Variants in EPS15L1 observed in about 807,000 individuals in gnomAD.
The protein encoded by EPS15L1 is epidermal growth factor receptor substrate 15-like 1.
Under a neutral mutation model 117.1 loss-of-function variants are expected in EPS15L1, and 43 were observed. The ratio of observed to expected loss-of-function variants is 0.37; its 90% CI spans 0.29 to 0.47. EPS15L1 has a LOEUF of 0.47. EPS15L1 is among the 20% of genes least tolerant of loss of function. The pLI, the probability that EPS15L1 is intolerant of heterozygous loss-of-function variation, is 0.99. For missense variants in EPS15L1, 981 were observed against 1,164.0 expected (o/e 0.84, Z 2.29); for synonymous variants, 459 against 470.5 (o/e 0.98, Z 0.32).
chr19:16,380,206 T>C (rs926191520), intron 21 of EPS15L1, among the ~76,000 whole-genome samples: 2 of 151,062 alleles, frequency 1.3e-5, no homozygotes, highest in African/African-American at 4.9e-5. Flanking sequence ...GGCTCCAGCA[T>C]CTAGTCACAC....
intron 16 of EPS15L1, chr19:16,401,210 G>A (rs1366339674): frequency 1.0e-6 from 1 of 985,452 alleles, no homozygotes; most frequent in Non-Finnish European, 1.2e-6. Flanking sequence ...CACCCAGCGG[G>A]GGCCAGACAC....
intron 1 of EPS15L1, among the ~76,000 whole-genome samples, chr19:16,442,615 G>A (rs992927516): frequency 7.9e-5 from 12 of 152,120 alleles, no homozygotes; most frequent in African/African-American, 2.7e-4. Context: ...AAGTTTCCAC[G>A]CATTATCATA....
In EPS15L1 at chr19:16,434,581, C is replaced by T. The variant is rs759756571; in HGVS notation, c.373-91G>A. 264 of 1,367,752 alleles carry T rather than the reference C, an allele frequency of 1.9e-4. 1 individual carries two copies. The highest frequency in any genetic ancestry group is 2.4e-4 in the Non-Finnish European group (239 of 993,010). 84.7% of individuals were successfully genotyped at this position (1,367,752 alleles called of 1,614,324 possible). A position where few individuals can be genotyped will look rare whatever the true frequency, so the allele number is the denominator to read the frequency against. ...CTGACCGAAAGCCAAGTGAAAATGGCCACGGACCCATCATCACCCTTGGCT... is the reference window on the plus strand; with the variant it reads ...CTGACCGAAAGCCAAGTGAAAATGGTCACGGACCCATCATCACCCTTGGCT... On this transcript the variant is annotated intron_variant, in intron 6 of 23. Coordinates refer to ENST00000455140, the MANE Select transcript of EPS15L1 (RefSeq NM_001258374.3).
At chr19:16,467,511 T>G (rs2093315529) in intron 1 of EPS15L1, among the ~76,000 whole-genome samples, 1 of 151,298 alleles carries the variant, frequency 6.6e-6, no homozygotes. Flanking sequence ...AGAATCTATT[T>G]AGTCGAAAAA....
At position 16,442,261 on chromosome 19, in the gene EPS15L1, C is replaced by A. The variant is rs1371448018; in HGVS notation, c.34-42G>T. 7 of 1,578,356 alleles carry A rather than the reference C, an allele frequency of 4.4e-6. No homozygotes were observed. The East Asian group carries it at 1.6e-4, about 35-fold the overall frequency. ...AGATATTGGTCAAAAGTGAACACAA[C>A]CCCTTGGGGAAAAAAAGGGTTGCCC... On this transcript the variant is annotated intron_variant, in intron 1 of 23. Transcript: ENST00000455140.
chr19:16,361,935 G>A lies in EPS15L1; in HGVS notation c.2430C>T (p.Ala810=), dbSNP rs763065357. Residue 810 remains alanine (A), a synonymous_variant, in exon 23 of 24, where the codon GCC becomes GCT. Coordinates refer to ENST00000455140, the MANE Select transcript of EPS15L1 (RefSeq NM_001258374.3). ...SQLGSADFPE[A]PDPFQPLGAD... ...CCCCGAGTGGCTGGAATGGATCGGG[G>A]GCCTCGGGAAAGTCTGCGGAACCAA... 1.9e-6 allele frequency: 3 copies of A among 1,613,988 alleles called. No individual in the cohort carries two copies. Among genetic ancestry groups the A allele is most frequent in the Admixed American group, 3.3e-5 (2 of 59,996 alleles).
intron 1 of EPS15L1, among the ~76,000 whole-genome samples, chr19:16,447,219 C>T (rs185710283): frequency 1.1e-3 from 168 of 152,252 alleles, no homozygotes; most frequent in Non-Finnish European, 2.0e-3. Flanking sequence ...ATCAGGGAAA[C>T]GCTGGGGTAT....
At chr19:16,435,739 A>AC (rs1273056674) in intron 6 of EPS15L1, among the ~76,000 whole-genome samples, 8 of 152,104 alleles carry the variant, frequency 5.3e-5, no homozygotes, top group African/African-American at 1.7e-4. Context: ...ACGGAAACAA[A>AC]CACTTGGCAC....
In EPS15L1 at chr19:16,446,117, T is replaced by C. The variant is rs142228739; in HGVS notation, c.34-3898A>G. ...AGAGGGGCACAAGGAGAAGGACAAG[T>C]TCACATCCTTCTGCTCTGAAGGCTT... is the stretch of plus-strand genomic sequence containing the variant. On this transcript the variant is annotated intron_variant, in intron 1 of 23. Transcript: ENST00000455140. Among the ~76,000 whole-genome samples, 653 of 152,234 alleles carry C rather than the reference T, an allele frequency of 4.3e-3. 7 individuals are homozygous for C. The highest frequency in any genetic ancestry group is 0.015 in the African/African-American group (629 of 41,520).
intron 22 of EPS15L1, among the ~76,000 whole-genome samples, chr19:16,376,162 G>A (rs1362940658): frequency 6.6e-6 from 1 of 152,224 alleles, no homozygotes. Context: ...GATCCTGGGA[G>A]TGCGTGGGTC....
chr19:16,408,907 G>A (rs919129846), intron 13 of EPS15L1, among the ~76,000 whole-genome samples: 7 of 152,240 alleles, frequency 4.6e-5, no homozygotes, highest in Admixed American at 3.9e-4. Flanking sequence ...CCATTCAACG[G>A]GGGAAAGAAG....
chr19:16,467,799 C>T (rs531650653), intron 1 of EPS15L1, among the ~76,000 whole-genome samples: 6 of 152,280 alleles, frequency 3.9e-5, no homozygotes, highest in South Asian at 2.1e-4. Flanking sequence ...GCCCAGCAGG[C>T]CATCTGGAAC....
rs1266757972 is a variant in EPS15L1, at chr19:16,383,120, G to T, written c.2247+2009C>A. On this transcript the variant is annotated intron_variant, in intron 21 of 23. Transcript: ENST00000455140. This position sits in a 1 kb window ranked among gnomAD's most constrained non-coding sequence, Gnocchi z 5.2. ...ATGCGGCTGTACAAGTGTCATGAAGGCAGCTGATGGAACGCTGGAATCAAA... is the reference window on the plus strand; with the variant it reads ...ATGCGGCTGTACAAGTGTCATGAAGTCAGCTGATGGAACGCTGGAATCAAA... 2.0e-5 allele frequency: 3 copies of T among 152,170 alleles called. No individual in the cohort carries two copies. Among genetic ancestry groups the T allele is most frequent in the Admixed American group, 1.3e-4 (2 of 15,284 alleles). 9.4% of individuals were successfully genotyped at this position (152,170 alleles called of 1,614,324 possible). A position where few individuals can be genotyped will look rare whatever the true frequency, so the allele number is the denominator to read the frequency against.
chr19:16,391,327 C>T (rs2092471890), intron 19 of EPS15L1, among the ~76,000 whole-genome samples: 1 of 152,072 alleles, frequency 6.6e-6, no homozygotes, highest in African/African-American at 2.4e-5. Context: ...AAACAGATCA[C>T]CAATACCAGG....
intron 1 of EPS15L1, among the ~76,000 whole-genome samples, chr19:16,447,119 C>T (rs911703822): frequency 2.6e-5 from 4 of 152,196 alleles, no homozygotes; most frequent in East Asian, 1.9e-4. Context: ...CCCAGCAGGC[C>T]GGCCCACATT....
intron 7 of EPS15L1, among the ~76,000 whole-genome samples, 196 bp from the exon 8 acceptor site, chr19:16,428,957 G>A (rs1398565862): frequency 6.6e-6 from 1 of 151,980 alleles, no homozygotes; most frequent in Non-Finnish European, 1.5e-5. Context: ...CCAGATCTGT[G>A]GTCTGACAAT....
At chr19:16,448,332 AC>A (rs1385046667) in intron 1 of EPS15L1, among the ~76,000 whole-genome samples, 7 of 151,864 alleles carry the variant, frequency 4.6e-5, no homozygotes, top group South Asian at 4.2e-4. Context: ...GGAGTTCAAG[AC>A]CAGTCTGACC....
At chr19:16,401,101 C>A (rs570485183) in intron 16 of EPS15L1, 1 of 985,140 alleles carries the variant, frequency 1.0e-6, no homozygotes, top group African/African-American at 1.7e-5. Context: ...TAAATTTAGA[C>A]GATAAAGCTG....
At chr19:16,396,560 G>A (rs1173222035) in intron 16 of EPS15L1, among the ~76,000 whole-genome samples, 1 of 152,038 alleles carries the variant, frequency 6.6e-6, no homozygotes, top group East Asian at 1.9e-4. Context: ...TACCGCACCT[G>A]GCCTATCTTT....
Sources: gnomAD v4.1 joint callset for allele counts (sites outside exome capture counted in the v4.1 genomes callset) on GRCh38, gnomAD v4.1.1 for gene constraint, Gnocchi (gnomAD v3.1) non-coding constraint, MANE v1.5 for transcripts, NCBI Gene and HGNC (gene_info 2026-07-23, HGNC 2026-07-21) for gene names.